Variants in ARHGAP24 observed in about 807,000 individuals in gnomAD.
ARHGAP24 encodes the protein rho GTPase-activating protein 24.
A neutral mutation model predicts 76.4 loss-of-function variants in ARHGAP24; 50 were observed. That is an observed-to-expected ratio of 0.65 (90% CI 0.52 to 0.83). ARHGAP24 has a LOEUF of 0.83. ARHGAP24 is among the 40% of genes least tolerant of loss of function. ARHGAP24 has a pLI of 0.00. For synonymous variants in ARHGAP24, 345 were observed against 323.3 expected (o/e 1.07, Z -0.72); for missense variants, 930 against 914.2 (o/e 1.02, Z -0.22).
chr4:85,734,893 A>G (rs1180499269), intron 3 of ARHGAP24, among the ~76,000 whole-genome samples: 2 of 151,710 alleles, frequency 1.3e-5, no homozygotes, highest in South Asian at 2.1e-4. Flanking sequence ...TTTGCATTTT[A>G]TTTTCGATCA....
intron 3 of ARHGAP24, among the ~76,000 whole-genome samples, chr4:85,769,984 T>G (rs1727074430): frequency 6.6e-6 from 1 of 152,244 alleles, no homozygotes; most frequent in Non-Finnish European, 1.5e-5. Flanking sequence ...TATATTGCTT[T>G]CCATTGAAGA....
chr4:85,749,677 T>C lies in ARHGAP24; in HGVS notation c.268+27705T>C, dbSNP rs372920949. Among the ~76,000 whole-genome samples the C allele has an allele frequency of 3.9e-5, 6 of 152,312 alleles. No individual in the cohort carries two copies. The East Asian group carries it at 1.2e-3, about 29-fold the overall frequency. Reference sequence around the variant, plus strand: ...ACCTCCCAGGTTCAAGTGATTCTCCTGCCTCAGCCCCCTGAGTAGCTGGGA... The same window carrying C: ...ACCTCCCAGGTTCAAGTGATTCTCCCGCCTCAGCCCCCTGAGTAGCTGGGA... On this transcript the variant is annotated intron_variant, in intron 3 of 9. Coordinates refer to ENST00000395184, the MANE Select transcript of ARHGAP24 (RefSeq NM_001025616.3).
At chr4:85,939,529 T>C (rs940960659) in intron 4 of ARHGAP24, among the ~76,000 whole-genome samples, 18 of 152,132 alleles carry the variant, frequency 1.2e-4, no homozygotes, top group Non-Finnish European at 8.8e-5. Context: ...TGAGAGAATA[T>C]TGTGAGGGAC....
chr4:85,481,336 C>T (rs1378986619), intron 1 of ARHGAP24, among the ~76,000 whole-genome samples: 1 of 152,148 alleles, frequency 6.6e-6, no homozygotes, highest in Non-Finnish European at 1.5e-5. Context: ...TTTACTATGT[C>T]CCTTTCCTCT....
intron 3 of ARHGAP24, among the ~76,000 whole-genome samples, chr4:85,755,018 T>A (rs1384147335): frequency 1.3e-5 from 2 of 152,190 alleles, no homozygotes; most frequent in Non-Finnish European, 2.9e-5. Context: ...ATAGATTGCC[T>A]CTATAAGTTC....
intron 3 of ARHGAP24, among the ~76,000 whole-genome samples, chr4:85,780,270 T>C (rs193120541): frequency 1.3e-3 from 196 of 152,248 alleles, no homozygotes; most frequent in African/African-American, 4.5e-3. Flanking sequence ...ACCTCCTGGA[T>C]TCAAGTGATT....
At chr4:85,576,024 A>G (rs1265357220) in intron 2 of ARHGAP24, among the ~76,000 whole-genome samples, 1 of 152,242 alleles carries the variant, frequency 6.6e-6, no homozygotes, top group Non-Finnish European at 1.5e-5. Flanking sequence ...GATCAAGATG[A>G]CACTATATTA....
In ARHGAP24 at chr4:85,977,674, C is replaced by T; in HGVS notation, c.911C>T (p.Pro304Leu). The part of the protein sequence containing the change: ...PNILRPKVED[P>L]LTIMEGTVVV... ...ATCCTGCGCCCCAAAGTGGAAGATC[C>T]TTTGACTATCATGGAGGGTAAGTAA... The change falls in exon 8 of 10, where the codon CCT (proline) becomes CTT (leucine). Residue 304 changes from proline (P) to leucine (L), a missense_variant. Physicochemically the swap from Pro to Leu is moderately conservative, Grantham distance 98 (BLOSUM62 -3). Coordinates refer to ENST00000395184, the MANE Select transcript of ARHGAP24 (RefSeq NM_001025616.3). 6.2e-7 allele frequency: 1 copy of T among 1,613,808 alleles called. No individual in the cohort carries two copies. Among genetic ancestry groups the T allele is most frequent in the Non-Finnish European group, 8.5e-7 (1 of 1,179,750 alleles).
chr4:85,514,665 C>T lies in ARHGAP24; in HGVS notation c.-21+39106C>T, dbSNP rs551651611. ...GTTTAGTAGTGGAGGGGAGGGGAGC[C>T]ACCTTTGTTCTGACTTTCCAAGAAA... On this transcript the variant is annotated intron_variant, in intron 1 of 9. Coordinates refer to ENST00000395184, the MANE Select transcript of ARHGAP24 (RefSeq NM_001025616.3). 2.2e-4 allele frequency among the ~76,000 whole-genome samples: 34 copies of T among 151,698 alleles called. 1 individual carries two copies. The South Asian group carries it at 7.1e-3, about 32-fold the overall frequency.
At chr4:85,706,835 A>C (rs2110031097) in intron 2 of ARHGAP24, among the ~76,000 whole-genome samples, 1 of 152,294 alleles carries the variant, frequency 6.6e-6, no homozygotes, top group Admixed American at 6.5e-5. Flanking sequence ...AAGTGCTGGG[A>C]TTATAGGCGT....
intron 3 of ARHGAP24, among the ~76,000 whole-genome samples, chr4:85,722,714 C>A (rs775940042): frequency 2.0e-5 from 3 of 152,142 alleles, no homozygotes; most frequent in Non-Finnish European, 4.4e-5. Context: ...TTTTCCTTAT[C>A]CCTCAATGTA....
chr4:85,716,003 G>A (rs1387269465), intron 2 of ARHGAP24, among the ~76,000 whole-genome samples: 1 of 151,836 alleles, frequency 6.6e-6, no homozygotes, highest in Non-Finnish European at 1.5e-5. Flanking sequence ...TCGAACCTCT[G>A]TCTAATCTCA....
intron 3 of ARHGAP24, among the ~76,000 whole-genome samples, chr4:85,897,643 C>A (rs1235303206): frequency 6.6e-6 from 1 of 152,228 alleles, no homozygotes. Flanking sequence ...AGTTCTGTCT[C>A]CCCATGGCTC....
chr4:85,840,221 A>G (rs569218485), intron 3 of ARHGAP24, among the ~76,000 whole-genome samples: 60 of 152,226 alleles, frequency 3.9e-4, no homozygotes, highest in Middle Eastern at 3.4e-3. Flanking sequence ...AGAACAGAAC[A>G]AAACAAAACA....
intron 3 of ARHGAP24, among the ~76,000 whole-genome samples, chr4:85,804,450 T>C (rs1436700170): frequency 6.6e-6 from 1 of 152,196 alleles, no homozygotes; most frequent in Non-Finnish European, 1.5e-5. Context: ...TTTTTATGAA[T>C]CATTAAAATA....
At chr4:85,690,243 A>G (rs931983095) in intron 2 of ARHGAP24, among the ~76,000 whole-genome samples, 3 of 152,074 alleles carry the variant, frequency 2.0e-5, no homozygotes, top group Admixed American at 1.3e-4. Context: ...TTCATCAGAG[A>G]TATTTATCAG....
At chr4:85,642,904 A>G (rs1721579007) in intron 2 of ARHGAP24, among the ~76,000 whole-genome samples, 1 of 152,070 alleles carries the variant, frequency 6.6e-6, no homozygotes, top group South Asian at 2.1e-4. Flanking sequence ...AGTGGCCTTC[A>G]AGGCACTTCA....
In ARHGAP24 at chr4:85,670,004, GGA is replaced by G. The variant is rs1722770432; in HGVS notation, c.181-51875_181-51874del. Among the ~76,000 whole-genome samples the G allele has an allele frequency of 3.3e-5, 5 of 152,116 alleles. No individual in the cohort carries two copies. In the South Asian group the frequency reaches 8.3e-4, roughly 25 times the overall value. On this transcript the variant is annotated intron_variant, in intron 2 of 9. Coordinates refer to ENST00000395184, the MANE Select transcript of ARHGAP24 (RefSeq NM_001025616.3). ...GAAGGAGACTAGAAAAGTGGGAGGA[GGA>G]GAGAGGGGTGTGAGCTGTGGAAAGG...
intron 1 of ARHGAP24, among the ~76,000 whole-genome samples, chr4:85,558,829 A>C (rs1416034175): frequency 2.0e-5 from 3 of 152,248 alleles, no homozygotes; most frequent in African/African-American, 4.8e-5. Flanking sequence ...CATTGTAGAC[A>C]AATGACTATC....
Sources: allele counts gnomAD v4.1 joint callset (sites outside exome capture counted in the v4.1 genomes callset), GRCh38; gene constraint gnomAD v4.1.1; transcripts MANE v1.5; gene names NCBI Gene and HGNC (gene_info 2026-07-23, HGNC 2026-07-21).